Variants in SF3B2 observed in about 807,000 individuals in gnomAD.
The protein encoded by SF3B2 is SAP 145.
In SF3B2, 22 loss-of-function variants were observed where a neutral mutation model predicts 116.3. The observed-to-expected ratio is 0.19, with a 90% CI of 0.14 to 0.27. The LOEUF (loss-of-function observed/expected upper bound fraction) is 0.27. Ranked by LOEUF, SF3B2 falls within the 10% of genes least tolerant of loss-of-function variation. The pLI is 1.00. For synonymous variants in SF3B2, 406 were observed against 421.6 expected (o/e 0.96, Z 0.45); for missense variants, 767 against 1,151.4 (o/e 0.67, Z 4.83).
chr11:66,056,321 G>C (rs1038250221), intron 5 of SF3B2, among the ~76,000 whole-genome samples: 1 of 150,938 alleles, frequency 6.6e-6, no homozygotes, highest in African/African-American at 2.4e-5. Context: ...GATGGCTTGA[G>C]CTGGGGAGGC....
chr11:66,063,618 C>G lies in SF3B2; in HGVS notation c.2229-10C>G. On this transcript the variant is annotated splice_polypyrimidine_tract_variant and intron_variant, in intron 18 of 21. Transcript: ENST00000322535. ...TCTCTTTACTCCAGAGCTTGTTCCT[C>G]TCTTTACAGTGGCCTTATCACTCCT... The G allele has an allele frequency of 2.5e-6, 4 of 1,611,372 alleles. No individual in the cohort carries two copies. Among genetic ancestry groups the G allele is most frequent in the Non-Finnish European group, 3.4e-6 (4 of 1,178,698 alleles).
chr11:66,060,772 G>A (rs765194439), intron 14 of SF3B2, 41 bp downstream of exon 14: 1 of 1,600,236 alleles, frequency 6.2e-7, no homozygotes, highest in South Asian at 1.1e-5. Flanking sequence ...GGGCCTTGGG[G>A]TTGAGACTGT....
At chr11:66,053,191 T>A in intron 3 of SF3B2, 87 bp downstream of exon 3, 1 of 1,239,398 alleles carries the variant, frequency 8.1e-7, no homozygotes, top group Non-Finnish European at 1.2e-6. Context: ...CACGTGCATG[T>A]GTGAGATGTG....
rs201381971 is a variant in SF3B2, at chr11:66,059,345, C to T, written c.1320+7C>T. 3.1e-6 allele frequency: 5 copies of T among 1,613,704 alleles called. No homozygotes were observed. The African/African-American group carries it at 6.7e-5, about 22-fold the overall frequency. On this transcript the variant is annotated splice_region_variant and intron_variant, in intron 11 of 21. Coordinates refer to ENST00000322535, the MANE Select transcript of SF3B2 (RefSeq NM_006842.3). This position sits in a 1 kb window ranked among gnomAD's most constrained non-coding sequence, Gnocchi z 5.0. ...CAGCAGTGATGACGAGCAGGTCAGGCCCAGCCCTCCTGGTGGGAAGCAGGG... is the reference window on the plus strand; with the variant it reads ...CAGCAGTGATGACGAGCAGGTCAGGTCCAGCCCTCCTGGTGGGAAGCAGGG...
chr11:66,054,997 A>G, intron 3 of SF3B2, 79 bp from the exon 4 acceptor site: 1 of 1,400,738 alleles, frequency 7.1e-7, no homozygotes, highest in Non-Finnish European at 9.6e-7. Context: ...CCAGCTCCTG[A>G]CTCAAAGTAG....
At chr11:66,057,606 G>A (rs1347938421) in intron 7 of SF3B2, among the ~76,000 whole-genome samples, 1 of 152,088 alleles carries the variant, frequency 6.6e-6, no homozygotes, top group Non-Finnish European at 1.5e-5. Flanking sequence ...GAGCCCAGTT[G>A]GTGTTGCCCA....
At chr11:66,056,981 G>A in intron 6 of SF3B2, 26 bp downstream of exon 6, 1 of 1,517,076 alleles carries the variant, frequency 6.6e-7, no homozygotes, top group Non-Finnish European at 9.2e-7. Flanking sequence ...CGAGGGGAAG[G>A]GCAAGGAAGG....
intron 14 of SF3B2, 69 bp from the exon 15 acceptor site, chr11:66,061,617 T>C (rs1857100927): frequency 8.8e-7 from 1 of 1,140,212 alleles, no homozygotes; most frequent in Admixed American, 1.7e-5. Context: ...TTATATCTGA[T>C]GTGCGTTAGG....
rs778022127 is a variant in SF3B2, at chr11:66,058,969, T to C, written c.1106T>C (p.Ile369Thr). The C allele has an allele frequency of 4.3e-6, 7 of 1,613,912 alleles. No individual in the cohort carries two copies. The highest frequency in any genetic ancestry group is 2.2e-5 in the South Asian group (2 of 91,070). The change falls in exon 10 of 22, where the codon ATT becomes ACT. Residue 369 changes from isoleucine to threonine, a missense_variant. By Grantham distance (89) the Ile-to-Thr change is moderately conservative. Transcript: ENST00000322535. ...GSDSPAADVE[I>T]EYVTEEPEIY... is the part of the protein sequence containing the mutation. ...GATTCCCCAGCAGCTGATGTTGAGA[T>C]TGAGTATGTGACTGAAGAACCTGAA... is the stretch of plus-strand genomic sequence containing the variant.
In SF3B2 at chr11:66,060,596, C is replaced by T. The variant is rs1265490843; in HGVS notation, c.1644C>T (p.Thr548=). 8.7e-6 allele frequency: 14 copies of T among 1,613,954 alleles called. No individual in the cohort carries two copies. The highest frequency in any genetic ancestry group is 1.1e-5 in the Non-Finnish European group (13 of 1,180,020). The change falls in exon 14 of 22, where the codon ACC becomes ACT. Residue 548 remains threonine (T), a synonymous_variant. Coordinates refer to ENST00000322535, the MANE Select transcript of SF3B2 (RefSeq NM_006842.3). ...ATTCTCCACAGGAAGAACAGAAGACCATGAAGTCAAAAATGCGAGAGAAAG... is the reference window on the plus strand; with the variant it reads ...ATTCTCCACAGGAAGAACAGAAGACTATGAAGTCAAAAATGCGAGAGAAAG... ...EALQEKEEQK[T]MKSKMREKVR...
At chr11:66,063,373 G>T (rs751766018) in intron 17 of SF3B2, 27 bp from the exon 18 acceptor site, 2 of 1,592,570 alleles carry the variant, frequency 1.3e-6, no homozygotes, top group Non-Finnish European at 1.7e-6. Flanking sequence ...GAAAACATTT[G>T]TTGAATGATA....
At chr11:66,055,635 G>A in intron 5 of SF3B2, 50 bp downstream of exon 5, 1 of 1,538,960 alleles carries the variant, frequency 6.5e-7, no homozygotes, top group South Asian at 1.1e-5. Context: ...TCAGTTGGCT[G>A]TCATTTATAG....
rs761677519 is a variant in SF3B2, at chr11:66,058,302, TC to T, written c.875-11del. 1 of 1,613,244 alleles carries T rather than the reference TC, an allele frequency of 6.2e-7. No homozygotes were observed. Among genetic ancestry groups the T allele is most frequent in the Non-Finnish European group, 8.5e-7 (1 of 1,179,518 alleles). On this transcript the variant is annotated splice_polypyrimidine_tract_variant and intron_variant, in intron 8 of 21. Transcript: ENST00000322535. ...GCACCGTGAAGACTCATCACCACCT[TC>T]TTCCTTACAGAGGAAGAGGAAATGG...
chr11:66,056,181 C>G (rs554820860), intron 5 of SF3B2, among the ~76,000 whole-genome samples: 3 of 151,904 alleles, frequency 2.0e-5, no homozygotes, highest in Admixed American at 6.6e-5. Context: ...GTGGGTGGAT[C>G]GCTTGAGCTC....
At chr11:66,057,237 A>G in intron 6 of SF3B2, 29 bp from the exon 7 acceptor site, 2 of 1,363,432 alleles carry the variant, frequency 1.5e-6, no homozygotes, top group Non-Finnish European at 2.1e-6. Context: ...GCCTCTTCTG[A>G]CATTGGATTT....
In SF3B2 at chr11:66,052,848, T is replaced by C. The variant is rs915876409; in HGVS notation, c.180+129T>C. 25 of 1,288,052 alleles carry C rather than the reference T, an allele frequency of 1.9e-5. No individual in the cohort carries two copies. In the African/African-American group the frequency reaches 3.6e-4, roughly 18 times the overall value. 79.8% of individuals were successfully genotyped at this position (1,288,052 alleles called of 1,614,324 possible). A position where few individuals can be genotyped will look rare whatever the true frequency, so the allele number is the denominator to read the frequency against. On this transcript the variant is annotated intron_variant, in intron 2 of 21. Coordinates refer to ENST00000322535, the MANE Select transcript of SF3B2 (RefSeq NM_006842.3). ...AAGGCGGAGGCTTGCCCTTTTTAGC[T>C]TGTTCTTGCCTTTGCCAGCTTAGTT...
In SF3B2 at chr11:66,068,996, A is replaced by C. The variant is rs1319820191; in HGVS notation, c.*251A>C. 8.3e-6 allele frequency: 4 copies of C among 479,044 alleles called. No homozygotes were observed. Among genetic ancestry groups the C allele is most frequent in the Non-Finnish European group, 1.5e-5 (4 of 260,638 alleles). 29.7% of individuals were successfully genotyped at this position (479,044 alleles called of 1,614,324 possible). A position where few individuals can be genotyped will look rare whatever the true frequency, so the allele number is the denominator to read the frequency against. Reference sequence around the variant, plus strand: ...TCTACAATCACTGGGCTGCCCCAGTAACCACGAACATAAACTGGGATTAGA... The same window carrying C: ...TCTACAATCACTGGGCTGCCCCAGTCACCACGAACATAAACTGGGATTAGA... On this transcript the variant is annotated 3_prime_UTR_variant, in exon 22 of 22. Transcript: ENST00000322535.
Position 66,052,411 on chromosome 11 carries a change from C to G in SF3B2, c.27C>G (p.Pro9=), listed in dbSNP as rs1358722066. The change falls in exon 1 of 22, where the codon CCC becomes CCG. Residue 9 remains proline, a synonymous_variant. Transcript: ENST00000322535. ...TGGCGACGGAGCATCCCGAGCCTCC[C>G]AAAGCAGAATTGCAGCTGCCGCCGC... MATEHPEP[P]KAELQLPPPP... The G allele has an allele frequency of 1.9e-6, 3 of 1,612,788 alleles. No individual in the cohort carries two copies. The highest frequency in any genetic ancestry group is 2.5e-6 in the Non-Finnish European group (3 of 1,179,842).
intron 19 of SF3B2, chr11:66,066,588 T>C (rs1235320126): frequency 6.6e-6 from 1 of 152,226 alleles, no homozygotes; most frequent in East Asian, 1.9e-4. Flanking sequence ...CAGGTCTTGT[T>C]TTGGGGTTCT....
Sources: gnomAD v4.1 joint callset for allele counts (sites outside exome capture counted in the v4.1 genomes callset) on GRCh38, gnomAD v4.1.1 for gene constraint, Gnocchi (gnomAD v3.1) non-coding constraint, MANE v1.5 for transcripts, NCBI Gene and HGNC (gene_info 2026-07-23, HGNC 2026-07-21) for gene names.